NOL4: variants seen among roughly 807,000 people sequenced by gnomAD.
The protein encoded by NOL4 is cancer/testis antigen 125.
In NOL4, 17 loss-of-function variants were observed where a neutral mutation model predicts 75.9. The observed-to-expected ratio is 0.22, with a 90% confidence interval of 0.15 to 0.34. The LOEUF (loss-of-function observed/expected upper bound fraction) is 0.34, where lower values mean the gene tolerates loss of function less well. NOL4 is among the 10% of genes least tolerant of loss of function. The pLI is 1.00. For synonymous variants in NOL4, 292 were observed against 289.9 expected (o/e 1.01, Z -0.07); for missense variants, 614 against 793.5 (o/e 0.77, Z 2.72).
At chr18:33,868,493 G>C (rs886537849) in intron 10 of NOL4, among the ~76,000 whole-genome samples, 2 of 151,814 alleles carry the variant, frequency 1.3e-5, no homozygotes, top group Non-Finnish European at 2.9e-5. Flanking sequence ...TATCCCAAAG[G>C]GAAGGTATTC....
At chr18:33,874,792 T>C (rs1340959179) in intron 10 of NOL4, among the ~76,000 whole-genome samples, 12 of 152,018 alleles carry the variant, frequency 7.9e-5, no homozygotes. Flanking sequence ...TTTCTGGCAC[T>C]ATCAACACAC....
intron 2 of NOL4, among the ~76,000 whole-genome samples, chr18:34,109,597 T>C (rs1355338072): frequency 6.6e-6 from 1 of 151,892 alleles, no homozygotes. Flanking sequence ...CCTAGCTTTA[T>C]ATCTCAAAGA....
At chr18:34,097,961 A>G (rs141880163) in intron 4 of NOL4, among the ~76,000 whole-genome samples, 27 of 152,342 alleles carry the variant, frequency 1.8e-4, no homozygotes, top group African/African-American at 6.3e-4. Flanking sequence ...TATTGGATAC[A>G]GTATTTTGTA....
At chr18:33,872,548 G>C (rs976953107) in intron 10 of NOL4, among the ~76,000 whole-genome samples, 20 of 152,004 alleles carry the variant, frequency 1.3e-4, no homozygotes, top group South Asian at 4.1e-4. Flanking sequence ...ATTCTGCAAT[G>C]ACAAAATGAC....
At chr18:34,104,511 T>C (rs2079180194) in intron 3 of NOL4, among the ~76,000 whole-genome samples, 1 of 152,056 alleles carries the variant, frequency 6.6e-6, no homozygotes. Context: ...CTCAATTTTT[T>C]GCTTTTGGCC....
At chr18:33,925,557 T>A (rs2067276001) in intron 9 of NOL4, among the ~76,000 whole-genome samples, 1 of 152,130 alleles carries the variant, frequency 6.6e-6, no homozygotes, top group Non-Finnish European at 1.5e-5. Context: ...AAAAATGCAA[T>A]TAAATTAAAC....
chr18:34,051,220 C>G (rs1186266271), intron 5 of NOL4, among the ~76,000 whole-genome samples: 3 of 151,900 alleles, frequency 2.0e-5, no homozygotes, highest in Non-Finnish European at 2.9e-5. Context: ...CAGGTATATA[C>G]TTAATAAATG....
chr18:34,121,615 C>A (rs1052589470), intron 2 of NOL4, among the ~76,000 whole-genome samples: 58 of 152,148 alleles, frequency 3.8e-4, no homozygotes, highest in Admixed American at 3.1e-3. Context: ...ATGCAAGAGG[C>A]AAAGTGCAGA....
At position 34,223,258 on chromosome 18, in the gene NOL4, C is replaced by T. The variant is rs923592558; in HGVS notation, c.-5G>A. 55 of 1,612,508 alleles carry T rather than the reference C, an allele frequency of 3.4e-5. No individual in the cohort carries two copies. The highest frequency in any genetic ancestry group is 4.5e-5 in the Non-Finnish European group (53 of 1,179,530). On this transcript the variant is annotated 5_prime_UTR_variant, in exon 1 of 11. Coordinates refer to ENST00000261592, the MANE Select transcript of NOL4 (RefSeq NM_003787.5). ...CATGTCGCGCTCGCTCTCCATGTTC[C>T]CCGCGCTCGGCCGCTGGCCGGATGC...
chr18:34,062,920 T>C (rs1342476129), intron 5 of NOL4, among the ~76,000 whole-genome samples: 1 of 152,136 alleles, frequency 6.6e-6, no homozygotes, highest in Non-Finnish European at 1.5e-5. Flanking sequence ...TTGGACATTT[T>C]CAAATTTGTC....
At chr18:34,084,286 C>G (rs1433736253) in intron 5 of NOL4, among the ~76,000 whole-genome samples, 1 of 152,118 alleles carries the variant, frequency 6.6e-6, no homozygotes, top group Non-Finnish European at 1.5e-5. Context: ...GGCTGCTGAT[C>G]CAAGATACTG....
intron 1 of NOL4, among the ~76,000 whole-genome samples, chr18:34,196,226 C>T (rs114013477): frequency 6.6e-6 from 1 of 152,210 alleles, no homozygotes; most frequent in African/African-American, 2.4e-5. Context: ...AGAAGAGGAG[C>T]TGTCTGCTTT....
At chr18:33,988,032 A>G (rs986554077) in intron 6 of NOL4, among the ~76,000 whole-genome samples, 11 of 152,118 alleles carry the variant, frequency 7.2e-5, no homozygotes, top group Non-Finnish European at 1.5e-4. Flanking sequence ...TTCCTGGAGG[A>G]GGTCAAACAC....
chr18:34,171,346 G>C (rs879751572), intron 1 of NOL4, among the ~76,000 whole-genome samples: 1 of 152,062 alleles, frequency 6.6e-6, no homozygotes, highest in Admixed American at 6.6e-5. Context: ...AGTACACTTT[G>C]TATAACCATT....
intron 1 of NOL4, among the ~76,000 whole-genome samples, chr18:34,154,795 A>G (rs1363216909): frequency 6.6e-6 from 1 of 151,954 alleles, no homozygotes; most frequent in Non-Finnish European, 1.5e-5. Context: ...TGATTGCTCA[A>G]CATTCTCACA....
At chr18:34,048,506 G>A in intron 5 of NOL4, 1 of 985,382 alleles carries the variant, frequency 1.0e-6, no homozygotes, top group South Asian at 4.7e-5. Context: ...TGCAGATCCA[G>A]CATCCCTCAG....
At chr18:33,906,293 G>C (rs2066041498) in intron 9 of NOL4, among the ~76,000 whole-genome samples, 1 of 152,182 alleles carries the variant, frequency 6.6e-6, no homozygotes, top group Non-Finnish European at 1.5e-5. Flanking sequence ...GTGGTCATGA[G>C]TCACCTCTGG....
chr18:34,111,195 C>A (rs1375363515), intron 2 of NOL4, among the ~76,000 whole-genome samples: 1 of 152,020 alleles, frequency 6.6e-6, no homozygotes, highest in East Asian at 1.9e-4. Context: ...TGTGTGTGCA[C>A]ACATAGAATG....
chr18:33,871,575 C>T (rs2144500522), intron 10 of NOL4, among the ~76,000 whole-genome samples: 1 of 152,054 alleles, frequency 6.6e-6, no homozygotes, highest in East Asian at 1.9e-4. Flanking sequence ...CAACCCAAGC[C>T]AACCGTAATG....
Sources: allele counts gnomAD v4.1 joint callset (sites outside exome capture counted in the v4.1 genomes callset), GRCh38; gene constraint gnomAD v4.1.1; transcripts MANE v1.5; gene names NCBI Gene and HGNC (gene_info 2026-07-23, HGNC 2026-07-21).